Variants in SLC24A3 observed in about 807,000 individuals in gnomAD.
SLC24A3 encodes the protein sodium/potassium/calcium exchanger 3.
In SLC24A3, 28 loss-of-function variants were observed where a neutral mutation model predicts 75.8. The observed-to-expected ratio is 0.37, with a 90% CI of 0.27 to 0.51. The LOEUF (loss-of-function observed/expected upper bound fraction) is 0.51. Ranked by LOEUF, SLC24A3 falls within the 20% of genes least tolerant of loss-of-function variation. The pLI, the probability that SLC24A3 is intolerant of heterozygous loss-of-function variation, is 0.94. For synonymous variants in SLC24A3, 372 were observed against 334.1 expected (o/e 1.11, Z -1.24); for missense variants, 663 against 847.8 (o/e 0.78, Z 2.71).
At chr20:19,232,447 A>AT (rs1480373631) in intron 1 of SLC24A3, among the ~76,000 whole-genome samples, 6 of 152,164 alleles carry the variant, frequency 3.9e-5, no homozygotes, top group Admixed American at 1.3e-4. Flanking sequence ...AGGTCACTGA[A>AT]TTTTTTAATA....
intron 3 of SLC24A3, among the ~76,000 whole-genome samples, chr20:19,521,000 G>A (rs1233266377): frequency 6.6e-6 from 1 of 152,188 alleles, no homozygotes; most frequent in Non-Finnish European, 1.5e-5. Flanking sequence ...GGGAAGGAGG[G>A]AGGCTAGTCA....
intron 7 of SLC24A3, among the ~76,000 whole-genome samples, chr20:19,655,223 T>C (rs1196485405): frequency 6.6e-6 from 1 of 152,152 alleles, no homozygotes; most frequent in Non-Finnish European, 1.5e-5. Context: ...GCAGTGCATC[T>C]CCACCACTTA....
chr20:19,545,846 C>A (rs1489113826), intron 3 of SLC24A3, among the ~76,000 whole-genome samples: 2 of 152,036 alleles, frequency 1.3e-5, no homozygotes, highest in Admixed American at 1.3e-4. Context: ...AACACCATTC[C>A]TTATAATAAC....
intron 2 of SLC24A3, among the ~76,000 whole-genome samples, chr20:19,410,103 T>A (rs1464414896): frequency 6.6e-6 from 1 of 152,074 alleles, no homozygotes; most frequent in Non-Finnish European, 1.5e-5. Flanking sequence ...AACAAGAAAC[T>A]GCAGAAAGAA....
intron 12 of SLC24A3, among the ~76,000 whole-genome samples, chr20:19,687,699 G>A (rs1427189478): frequency 6.6e-6 from 1 of 152,218 alleles, no homozygotes; most frequent in Non-Finnish European, 1.5e-5. Flanking sequence ...TGTGAGATGA[G>A]ACCAAGTCTG....
At chr20:19,522,974 C>G (rs575712260) in intron 3 of SLC24A3, among the ~76,000 whole-genome samples, 1 of 151,980 alleles carries the variant, frequency 6.6e-6, no homozygotes, top group African/African-American at 2.4e-5. Context: ...TTATTATTAA[C>G]TATAAAAAAG....
chr20:19,350,941 G>A (rs988228268), intron 2 of SLC24A3, among the ~76,000 whole-genome samples: 12 of 152,140 alleles, frequency 7.9e-5, no homozygotes, highest in Non-Finnish European at 1.6e-4. Flanking sequence ...TCTCAATATG[G>A]ACAGATAGGA....
At chr20:19,676,456 A>G (rs1278994549) in intron 9 of SLC24A3, among the ~76,000 whole-genome samples, 1 of 152,192 alleles carries the variant, frequency 6.6e-6, no homozygotes, top group Non-Finnish European at 1.5e-5. Flanking sequence ...TCTAAATTGA[A>G]ATCTCTGCTC....
intron 6 of SLC24A3, among the ~76,000 whole-genome samples, chr20:19,595,312 G>A (rs1417659656): frequency 1.3e-5 from 2 of 152,204 alleles, no homozygotes; most frequent in African/African-American, 2.4e-5. Context: ...AGCACCAACA[G>A]TAGTGTCACA....
intron 2 of SLC24A3, among the ~76,000 whole-genome samples, chr20:19,383,415 G>A (rs1046347556): frequency 6.6e-6 from 1 of 151,826 alleles, no homozygotes; most frequent in African/African-American, 2.4e-5. Flanking sequence ...GGCAAAAACC[G>A]AATGACCATT....
intron 2 of SLC24A3, among the ~76,000 whole-genome samples, chr20:19,298,767 C>T (rs537370511): frequency 6.6e-6 from 1 of 152,206 alleles, no homozygotes; most frequent in African/African-American, 2.4e-5. Context: ...TGGTATCATT[C>T]CCAGTTACCA....
At chr20:19,356,068 G>A (rs1053082618) in intron 2 of SLC24A3, among the ~76,000 whole-genome samples, 4 of 152,148 alleles carry the variant, frequency 2.6e-5, no homozygotes, top group Admixed American at 6.5e-5. Context: ...TCTGCCACCT[G>A]CCAGGTATTC....
At chr20:19,241,592 T>G (rs1982330733) in intron 1 of SLC24A3, among the ~76,000 whole-genome samples, 1 of 152,194 alleles carries the variant, frequency 6.6e-6, no homozygotes, top group South Asian at 2.1e-4. Flanking sequence ...GTAAGTAGAT[T>G]AACCGTGCAT....
chr20:19,717,731 C>A (rs999396995), intron 16 of SLC24A3, 138 bp downstream of exon 16: 10 of 904,492 alleles, frequency 1.1e-5, no homozygotes, highest in Non-Finnish European at 1.6e-5. Context: ...GCTCTTTCTT[C>A]TAGAAGTGAG....
At chr20:19,298,643 A>G (rs1031590054) in intron 2 of SLC24A3, among the ~76,000 whole-genome samples, 4 of 152,252 alleles carry the variant, frequency 2.6e-5, no homozygotes, top group African/African-American at 2.4e-5. Context: ...AAAAAATAGA[A>G]GGAACTGAAA....
chr20:19,303,193 T>G (rs1364054563), intron 2 of SLC24A3, among the ~76,000 whole-genome samples: 2 of 152,146 alleles, frequency 1.3e-5, no homozygotes, highest in African/African-American at 4.8e-5. Flanking sequence ...CCCCAGTGTC[T>G]GTTGTTCCTT....
intron 15 of SLC24A3, among the ~76,000 whole-genome samples, chr20:19,709,368 G>A (rs1229388241): frequency 1.3e-5 from 2 of 152,136 alleles, no homozygotes; most frequent in Non-Finnish European, 2.9e-5. Context: ...GAGTACTGCT[G>A]GCAGCTGCTG....
chr20:19,506,868 T>G (rs1037491218), intron 2 of SLC24A3, among the ~76,000 whole-genome samples: 1 of 152,088 alleles, frequency 6.6e-6, no homozygotes, highest in African/African-American at 2.4e-5. Flanking sequence ...ATTTAATAAA[T>G]TTTCCAATGT....
Position 19,331,681 on chromosome 20 carries a change from T to A in SLC24A3, c.271+50594T>A, listed in dbSNP as rs561608069. On this transcript the variant is annotated intron_variant, in intron 2 of 16. Coordinates refer to ENST00000328041, the MANE Select transcript of SLC24A3 (RefSeq NM_020689.4). ...GACTGATTGATGCCTTCTTTCAGGA[T>A]TGATTGGGCATTGGTCCATCTCAGG... 2.0e-5 allele frequency among the ~76,000 whole-genome samples: 3 copies of A among 152,294 alleles called. No homozygotes were observed. The South Asian group carries it at 6.2e-4, about 32-fold the overall frequency.
Sources: gnomAD v4.1 joint callset for allele counts (sites outside exome capture counted in the v4.1 genomes callset) on GRCh38, gnomAD v4.1.1 for gene constraint, MANE v1.5 for transcripts, NCBI Gene and HGNC (gene_info 2026-07-23, HGNC 2026-07-21) for gene names.